Variants in FMN1 observed in about 807,000 individuals in gnomAD.
The protein encoded by FMN1 is formin 1.
In FMN1, 110 loss-of-function variants were observed where a neutral mutation model predicts 132.4. That is an observed-to-expected ratio of 0.83 (90% CI 0.71 to 0.97). FMN1 has a LOEUF of 0.97. Ranked by LOEUF, FMN1 falls within the 50% of genes least tolerant of loss-of-function variation. The pLI, the probability that FMN1 is intolerant of heterozygous loss-of-function variation, is 0.00. For missense variants in FMN1, 1,792 were observed against 1,705.3 expected, an observed-to-expected ratio of 1.05 and a Z score of -0.90; for synonymous variants, 722 against 651.7, an observed-to-expected ratio of 1.11 and a Z score of -1.64.
chr15:32,826,534 C>T (rs1375162294), intron 17 of FMN1, among the ~76,000 whole-genome samples: 3 of 152,184 alleles, frequency 2.0e-5, no homozygotes, highest in Non-Finnish European at 4.4e-5. Flanking sequence ...AAAACAGAAT[C>T]AAAGGACCCC....
chr15:33,145,618 C>T (rs1964186771), intron 4 of FMN1, among the ~76,000 whole-genome samples: 1 of 151,430 alleles, frequency 6.6e-6, no homozygotes, highest in Non-Finnish European at 1.5e-5. Flanking sequence ...AGCCGCTACC[C>T]TCGGATGTGG....
intron 6 of FMN1, among the ~76,000 whole-genome samples, chr15:33,048,644 A>AAACAAAAAAAAAACAAAAAC (rs1555388954): frequency 0.36 from 30,911 of 86,822 alleles, 7,808 homozygotes; most frequent in Non-Finnish European, 0.43. Context: ...AAAAAAAAAA[A>AAACAAAAAAAAAACAAAAAC]AAAAACCAAC....
chr15:33,081,162 A>C (rs2038439908), intron 5 of FMN1, among the ~76,000 whole-genome samples: 2 of 152,162 alleles, frequency 1.3e-5, no homozygotes, highest in Non-Finnish European at 2.9e-5. Flanking sequence ...TTCCATTAAG[A>C]CAAGAGCCTG....
At chr15:32,906,533 A>T (rs964171107) in intron 12 of FMN1, among the ~76,000 whole-genome samples, 1 of 152,208 alleles carries the variant, frequency 6.6e-6, no homozygotes, top group South Asian at 2.1e-4. Context: ...CTAGTCCTTT[A>T]CAGGAAAGGT....
intron 3 of FMN1, among the ~76,000 whole-genome samples, chr15:33,166,010 C>T (rs1281684106): frequency 1.3e-5 from 2 of 152,136 alleles, no homozygotes; most frequent in Non-Finnish European, 2.9e-5. Flanking sequence ...ATGTGTGTTT[C>T]GATTTTATAA....
chr15:33,097,058 C>T (rs1208967866), intron 4 of FMN1, among the ~76,000 whole-genome samples: 2 of 152,134 alleles, frequency 1.3e-5, no homozygotes, highest in African/African-American at 2.4e-5. Context: ...CTTTGGGAGG[C>T]CGAGGTGGGT....
chr15:32,857,871 C>T (rs1050407895), intron 16 of FMN1, among the ~76,000 whole-genome samples: 2 of 152,174 alleles, frequency 1.3e-5, no homozygotes, highest in Admixed American at 1.3e-4. Context: ...AGGCAGTTAA[C>T]CCAGCCAAGA....
intron 5 of FMN1, among the ~76,000 whole-genome samples, chr15:33,079,167 G>A (rs2038349488): frequency 6.6e-6 from 1 of 152,076 alleles, no homozygotes; most frequent in Admixed American, 6.5e-5. Flanking sequence ...ACCCTCAAAA[G>A]TCCAAATTGT....
chr15:32,797,559 T>A (rs533010753), intron 19 of FMN1, among the ~76,000 whole-genome samples: 1 of 152,314 alleles, frequency 6.6e-6, no homozygotes, highest in East Asian at 1.9e-4. Flanking sequence ...TTTTTTTTCA[T>A]GTTATTATCA....
At chr15:32,906,340 A>G (rs1404229809) in intron 12 of FMN1, among the ~76,000 whole-genome samples, 1 of 152,244 alleles carries the variant, frequency 6.6e-6, no homozygotes, top group Admixed American at 6.5e-5. Flanking sequence ...CAACAGAAGG[A>G]CAACATTTTA....
At chr15:32,795,755 T>C (rs1168008467) in intron 19 of FMN1, among the ~76,000 whole-genome samples, 1 of 152,212 alleles carries the variant, frequency 6.6e-6, no homozygotes, top group Admixed American at 6.5e-5. Flanking sequence ...GCACGATGAC[T>C]GAGTGGGTCA....
At chr15:32,977,426 G>A (rs1053977753) in intron 7 of FMN1, among the ~76,000 whole-genome samples, 20 of 152,174 alleles carry the variant, frequency 1.3e-4, no homozygotes, top group Admixed American at 1.1e-3. Flanking sequence ...AAAAGATATG[G>A]AATGATTAAG....
intron 7 of FMN1, among the ~76,000 whole-genome samples, chr15:32,971,758 A>T (rs1226467428): frequency 1.3e-5 from 2 of 152,144 alleles, no homozygotes; most frequent in Non-Finnish European, 2.9e-5. Flanking sequence ...GCATGGTGAA[A>T]CTTTCCCTAA....
chr15:32,968,916 G>T lies in FMN1; in HGVS notation c.2785C>A (p.Pro929Thr), dbSNP rs2031505409. Residue 929 changes from proline (P) to threonine (T), a missense_variant, in exon 8 of 21, where the codon CCA becomes ACA. Coordinates refer to ENST00000616417, the MANE Select transcript of FMN1 (RefSeq NM_001277313.2). ...GGTGGGGCAGGGGAGTTAGGAAGTG[G>T]GGGTGGGGGTGGGGGTGGTGGAGGT... ...AGPPPPPPPP[P>T]LPNSPAPPNP... 1.4e-6 allele frequency: 1 copy of T among 718,264 alleles called. No homozygotes were observed. The highest frequency in any genetic ancestry group is 1.8e-5 in the African/African-American group (1 of 54,350). The allele number at this position is 718,264 out of a possible 1,614,324, so 44.5% of individuals were successfully genotyped here. A position where few individuals can be genotyped will look rare whatever the true frequency, so the allele number is the denominator to read the frequency against.
intron 9 of FMN1, among the ~76,000 whole-genome samples, chr15:32,948,118 T>C (rs28778081): frequency 0.29 from 43,513 of 151,814 alleles, 8,212 homozygotes; most frequent in African/African-American, 0.55. Flanking sequence ...CCTTACAATC[T>C]TAGTTACAAA....
At chr15:33,058,738 C>T (rs1358876854) in intron 6 of FMN1, among the ~76,000 whole-genome samples, 4 of 152,090 alleles carry the variant, frequency 2.6e-5, no homozygotes, top group Admixed American at 6.5e-5. Context: ...CTTCAGATCC[C>T]GTAATTTGTA....
intron 4 of FMN1, among the ~76,000 whole-genome samples, chr15:33,107,123 C>T (rs184237063): frequency 2.0e-4 from 30 of 152,084 alleles, no homozygotes; most frequent in African/African-American, 6.7e-4. Flanking sequence ...AAGATTAAAA[C>T]CTGCTTCATC....
At chr15:32,926,035 G>A in intron 10 of FMN1, 139 bp downstream of exon 10, 1 of 557,280 alleles carries the variant, frequency 1.8e-6, no homozygotes. Context: ...ACAAGAGTGA[G>A]TTGATGGTTC....
intron 4 of FMN1, among the ~76,000 whole-genome samples, chr15:33,144,557 G>C (rs1964137933): frequency 6.7e-6 from 1 of 148,954 alleles, no homozygotes; most frequent in East Asian, 2.0e-4. Context: ...AGAATGGCAT[G>C]AACCCGGGAG....
Sources: allele counts gnomAD v4.1 joint callset (sites outside exome capture counted in the v4.1 genomes callset), GRCh38; gene constraint gnomAD v4.1.1; transcripts MANE v1.5; gene names NCBI Gene and HGNC (gene_info 2026-07-23, HGNC 2026-07-21).